The following CADM2 variants were observed in gnomAD, a reference collection of about 807,000 sequenced individuals.
CADM2 encodes the protein cell adhesion molecule 2, also known as immunoglobulin superfamily member 4D.
Under a neutral mutation model 49.8 loss-of-function variants are expected in CADM2, and 12 were observed. That is an observed-to-expected ratio of 0.24 (90% CI 0.15 to 0.39). The LOEUF (loss-of-function observed/expected upper bound fraction) is 0.39, where lower values mean the gene tolerates loss of function less well. Among genes scored for constraint, CADM2 ranks in the 10% least tolerant of loss-of-function variants. The pLI is 1.00. For synonymous variants in CADM2, 214 were observed against 175.4 expected, an observed-to-expected ratio of 1.22 and a Z score of -1.74; for missense variants, 378 against 492.3, an observed-to-expected ratio of 0.77 and a Z score of 2.20.
rs58838667 is a variant in CADM2 at position 85,898,956 on chromosome 3, T to TATATATATATATATATATATATATA, written c.529+12629_529+12630insATATATATATATATATATATATATA. Among the ~76,000 whole-genome samples the TATATATATATATATATATATATATA allele has an allele frequency of 2.3e-3, 51 of 21,860 alleles. 6 individuals carry two copies. The highest frequency in any genetic ancestry group is 5.0e-3 in the Admixed American group (6 of 1,198). The allele number at this position is 21,860 out of a possible 152,430, so 14.3% of individuals were successfully genotyped here. A position where few individuals can be genotyped will look rare whatever the true frequency, so the allele number is the denominator to read the frequency against. On this transcript the variant is annotated intron_variant, in intron 5 of 9. Coordinates refer to ENST00000383699, the MANE Select transcript of CADM2 (RefSeq NM_001167675.2). ...TATTGTGTATATATATATATATATA[T>TATATATATATATATATATATATATA]TTTTTTTTTTTTTTTTTTTTTTTTT... is the stretch of plus-strand genomic sequence containing the variant.
chr3:85,354,747 G>C (rs1192755867), intron 1 of CADM2, among the ~76,000 whole-genome samples: 1 of 151,984 alleles, frequency 6.6e-6, no homozygotes, highest in Non-Finnish European at 1.5e-5. Flanking sequence ...CTTATAAAGA[G>C]TTGCAGCTTA....
chr3:85,588,117 C>T (rs2062994176), intron 1 of CADM2, among the ~76,000 whole-genome samples: 1 of 151,906 alleles, frequency 6.6e-6, no homozygotes, highest in Non-Finnish European at 1.5e-5. Context: ...TGACTCATTT[C>T]AGAAATAATT....
chr3:85,917,081 G>T, intron 6 of CADM2, among the ~76,000 whole-genome samples: 1 of 152,038 alleles, frequency 6.6e-6, no homozygotes, highest in South Asian at 2.1e-4. Flanking sequence ...TTTGTCAGAT[G>T]AGTAGGCTGC....
At chr3:85,041,255 T>G (rs2107363894) in intron 1 of CADM2, among the ~76,000 whole-genome samples, 1 of 152,314 alleles carries the variant, frequency 6.6e-6, no homozygotes, top group African/African-American at 2.4e-5. Context: ...TATTTCATCT[T>G]TTTGCTTCCT....
intron 1 of CADM2, among the ~76,000 whole-genome samples, chr3:85,098,003 T>C (rs2037866039): frequency 6.6e-6 from 1 of 152,060 alleles, no homozygotes; most frequent in Admixed American, 6.6e-5. Context: ...TTGGGGAAAA[T>C]GGAATTGTAA....
chr3:86,055,849 C>G (rs1307380217), intron 8 of CADM2, among the ~76,000 whole-genome samples: 1 of 151,946 alleles, frequency 6.6e-6, no homozygotes, highest in Non-Finnish European at 1.5e-5. Flanking sequence ...GGTACCTATT[C>G]TCATTTATAA....
At chr3:85,197,646 T>C (rs1442836599) in intron 1 of CADM2, among the ~76,000 whole-genome samples, 1 of 151,904 alleles carries the variant, frequency 6.6e-6, no homozygotes, top group Non-Finnish European at 1.5e-5. Context: ...TGGACAAGTG[T>C]TGTTTAGGGA....
At chr3:85,012,977 A>C (rs2034067947) in intron 1 of CADM2, among the ~76,000 whole-genome samples, 1 of 151,804 alleles carries the variant, frequency 6.6e-6, no homozygotes, top group Non-Finnish European at 1.5e-5. Context: ...AAAAAGTCAA[A>C]ATTAAAACTA....
intron 7 of CADM2, among the ~76,000 whole-genome samples, chr3:85,946,076 C>A (rs1190469875): frequency 6.6e-6 from 1 of 152,124 alleles, no homozygotes; most frequent in Non-Finnish European, 1.5e-5. Context: ...GCAACTTCAG[C>A]AAAGTCTCAG....
intron 1 of CADM2, among the ~76,000 whole-genome samples, chr3:85,612,130 G>T (rs774248376): frequency 2.0e-5 from 3 of 151,794 alleles, no homozygotes; most frequent in Non-Finnish European, 4.4e-5. Context: ...TAATAACAGT[G>T]TATATTGATA....
chr3:86,057,621 A>G (rs920569864), intron 8 of CADM2, among the ~76,000 whole-genome samples: 2 of 152,208 alleles, frequency 1.3e-5, no homozygotes, highest in Non-Finnish European at 2.9e-5. Context: ...TCAAGAAAAC[A>G]TATCTTTGGG....
At chr3:85,212,166 T>C (rs2041795278) in intron 1 of CADM2, among the ~76,000 whole-genome samples, 1 of 152,204 alleles carries the variant, frequency 6.6e-6, no homozygotes, top group African/African-American at 2.4e-5. Context: ...TGTATGTGTG[T>C]CTTTATAGAT....
At chr3:85,184,150 C>A (rs1232288632) in intron 1 of CADM2, among the ~76,000 whole-genome samples, 2 of 151,948 alleles carry the variant, frequency 1.3e-5, no homozygotes, top group Non-Finnish European at 2.9e-5. Context: ...GCAAACACAG[C>A]ATGGAAGTTG....
At chr3:85,566,113 G>A (rs547624414) in intron 1 of CADM2, among the ~76,000 whole-genome samples, 1 of 152,156 alleles carries the variant, frequency 6.6e-6, no homozygotes, top group African/African-American at 2.4e-5. Flanking sequence ...TCCAAATACT[G>A]CTAATACAAA....
intron 8 of CADM2, 71 bp downstream of exon 8, chr3:85,961,718 A>C: frequency 8.4e-7 from 1 of 1,193,686 alleles, no homozygotes; most frequent in Non-Finnish European, 1.1e-6. Flanking sequence ...ATATATCAGA[A>C]TTTTAAGTGC....
chr3:85,667,875 G>A (rs2065619034), intron 1 of CADM2, among the ~76,000 whole-genome samples: 1 of 151,996 alleles, frequency 6.6e-6, no homozygotes, highest in Non-Finnish European at 1.5e-5. Context: ...ATAGTTGTAG[G>A]AGTTAAATGA....
In CADM2 at chr3:85,559,027, T is replaced by G. The variant is rs150047820; in HGVS notation, c.62-167495T>G. Among the ~76,000 whole-genome samples the G allele has an allele frequency of 7.5e-3, 1,142 of 152,224 alleles. 19 individuals carry two copies. Among genetic ancestry groups the G allele is most frequent in the African/African-American group, 0.027 (1,102 of 41,562 alleles). The stretch of plus-strand genomic sequence containing the variant: ...AGAGTTAGATTGAATTATCTTTGTT[T>G]TGGCTATGTTATTTTTGTTATTCAT... On this transcript the variant is annotated intron_variant, in intron 1 of 9. Transcript: ENST00000383699.
chr3:85,820,950 G>A (rs2073518910), intron 3 of CADM2, among the ~76,000 whole-genome samples: 1 of 152,050 alleles, frequency 6.6e-6, no homozygotes, highest in Non-Finnish European at 1.5e-5. Flanking sequence ...CAAATATTGT[G>A]ACATTTGACT....
At chr3:85,647,171 A>T (rs1408664014) in intron 1 of CADM2, among the ~76,000 whole-genome samples, 1 of 151,866 alleles carries the variant, frequency 6.6e-6, no homozygotes, top group Non-Finnish European at 1.5e-5. Flanking sequence ...TACCCATGAA[A>T]GATACAGATA....
Sources: allele counts gnomAD v4.1 joint callset (sites outside exome capture counted in the v4.1 genomes callset), GRCh38; gene constraint gnomAD v4.1.1; transcripts MANE v1.5; gene names NCBI Gene and HGNC (gene_info 2026-07-23, HGNC 2026-07-21).